Variants in MMRN2 observed in about 807,000 individuals in gnomAD.
The protein encoded by MMRN2 is multimerin 2.
In MMRN2, 53 loss-of-function variants were observed where a neutral mutation model predicts 68.8. That is an observed-to-expected ratio of 0.77 (90% CI 0.62 to 0.97). The LOEUF (loss-of-function observed/expected upper bound fraction) is 0.97. MMRN2 is among the 50% of genes least tolerant of loss of function. MMRN2 has a pLI of 0.00. For missense variants in MMRN2, 1,266 were observed against 1,259.5 expected (o/e 1.01, Z -0.08); for synonymous variants, 564 against 551.6 (o/e 1.02, Z -0.32).
Position 86,943,121 on chromosome 10 carries a change from C to A in MMRN2, c.1663G>T (p.Glu555Ter). The change falls in exon 6 of 7, where the codon GAG (glutamate) becomes TAG (stop). Residue 555 changes from glutamate to a stop codon, truncating the protein, a stop_gained. Coordinates refer to ENST00000372027, the MANE Select transcript of MMRN2 (RefSeq NM_024756.3). LOFTEE classifies it high-confidence loss of function. The surrounding 1 kb of genome is among the most constrained non-coding windows in gnomAD (Gnocchi z 4.2). ...LAVDAHKAEG[E>*]RARAATSRLR... is the part of the protein sequence containing the mutation. ...CGCGACGTGGCCGCCCGCGCCCGCTCGCCCTCCGCTTTGTGCGCGTCCACG... is the reference window on the plus strand; with the variant it reads ...CGCGACGTGGCCGCCCGCGCCCGCTAGCCCTCCGCTTTGTGCGCGTCCACG... 1 of 1,537,460 alleles carries A rather than the reference C, an allele frequency of 6.5e-7. No homozygotes were observed.
Position 86,943,462 on chromosome 10 carries a change from G to A in MMRN2, c.1322C>T (p.Thr441Met), listed in dbSNP as rs148010690. Residue 441 changes from threonine (T) to methionine (M), a missense_variant, in exon 6 of 7, where the codon ACG becomes ATG. Physicochemically the swap from Thr to Met is moderately conservative, Grantham distance 81. Coordinates refer to ENST00000372027, the MANE Select transcript of MMRN2 (RefSeq NM_024756.3). The surrounding 1 kb of genome is among the most constrained non-coding windows in gnomAD (Gnocchi z 4.2). Reference sequence around the variant, plus strand: ...GATCACGCGCAGCTCACGGAGCGCCGTGTGGTTCACCTGCAGCTCCTCCAC... The same window carrying A: ...GATCACGCGCAGCTCACGGAGCGCCATGTGGTTCACCTGCAGCTCCTCCAC... ...RQVEELQVNHTALRELRVILM... is the reference protein window; with the variant it reads ...RQVEELQVNHMALRELRVILM... The A allele has an allele frequency of 6.1e-5, 98 of 1,614,124 alleles. No homozygotes were observed. Among genetic ancestry groups the A allele is most frequent in the African/African-American group, 2.5e-4 (19 of 75,056 alleles).
In MMRN2 at chr10:86,944,534, G is replaced by A. The variant is rs1844038267; in HGVS notation, c.482-99C>T. The A allele has an allele frequency of 9.0e-6, 12 of 1,330,792 alleles. No homozygotes were observed. In the South Asian group the frequency reaches 1.5e-4, roughly 16 times the overall value. The allele number at this position is 1,330,792 out of a possible 1,614,324, so 82.4% of individuals were successfully genotyped here. On this transcript the variant is annotated intron_variant, in intron 4 of 6. Coordinates refer to ENST00000372027, the MANE Select transcript of MMRN2 (RefSeq NM_024756.3). ...AGAGTTGAAGGCTGAGAGCAGGGAA[G>A]TTAGCTGCTGATGTCCTCTGAGCAG...
chr10:86,936,312 T>TTCC lies in MMRN2; in HGVS notation c.*428_*430dup. The TTCC allele has an allele frequency of 2.4e-6, 1 of 422,778 alleles. No individual in the cohort carries two copies. The highest frequency in any genetic ancestry group is 4.2e-6 in the Non-Finnish European group (1 of 240,166). The allele number at this position is 422,778 out of a possible 1,614,324, so 26.2% of individuals were successfully genotyped here. Reference sequence around the variant, plus strand: ...CAAAATGTTGCCTCCATTTTAAACATTCCTCCTGGGGAAGAATGTCTTTCT... The same window carrying TTCC: ...CAAAATGTTGCCTCCATTTTAAACATTCCTCCTCCTGGGGAAGAATGTCTTTCT... On this transcript the variant is annotated 3_prime_UTR_variant, in exon 7 of 7. Coordinates refer to ENST00000372027, the MANE Select transcript of MMRN2 (RefSeq NM_024756.3).
chr10:86,939,034 T>C (rs1338981796), intron 6 of MMRN2, among the ~76,000 whole-genome samples: 1 of 151,678 alleles, frequency 6.6e-6, no homozygotes, highest in African/African-American at 2.4e-5. Context: ...TGGTGGGGCA[T>C]ACCTGTAATC....
Position 86,943,146 on chromosome 10 carries a change from G to A in MMRN2, c.1638C>T (p.Ala546=), listed in dbSNP as rs750415609. 4 of 1,593,962 alleles carry A rather than the reference G, an allele frequency of 2.5e-6. No homozygotes were observed. The highest frequency in any genetic ancestry group is 1.7e-5 in the Admixed American group (1 of 58,384). Residue 546 remains alanine, a synonymous_variant, in exon 6 of 7, where the codon GCC becomes GCT. Transcript: ENST00000372027. This position sits in a 1 kb window ranked among gnomAD's most constrained non-coding sequence, Gnocchi z 4.2. Reference sequence around the variant, plus strand: ...CGCCCTCCGCTTTGTGCGCGTCCACGGCCAGCGACACGGCGTCCACGGCGT... The same window carrying A: ...CGCCCTCCGCTTTGTGCGCGTCCACAGCCAGCGACACGGCGTCCACGGCGT... ...LQNAVDAVSL[A]VDAHKAEGER... is the part of the protein sequence containing the mutation.
chr10:86,956,484 C>T (rs1844233464), intron 1 of MMRN2, among the ~76,000 whole-genome samples: 1 of 152,168 alleles, frequency 6.6e-6, no homozygotes, highest in African/African-American at 2.4e-5. Flanking sequence ...CCAAACAGGT[C>T]TGGTGTGTGG....
rs781003547 is a variant in MMRN2 at position 86,937,006 on chromosome 10, G to A, written c.2587C>T (p.Arg863Ter). 1.2e-5 allele frequency: 20 copies of A among 1,614,202 alleles called. No homozygotes were observed. Among genetic ancestry groups the A allele is most frequent in the Middle Eastern group, 1.6e-4 (1 of 6,062 alleles). Reference sequence around the variant, plus strand: ...AGGTAGACACCACGCTCAGGGGCTCGGAAGTAGCCATGTTCAGGGAAGTAG... The same window carrying A: ...AGGTAGACACCACGCTCAGGGGCTCAGAAGTAGCCATGTTCAGGGAAGTAG... Reference protein sequence around the residue: ...SSYFPEHGYFRAPERGVYLFA... With the variant: ...SSYFPEHGYF Residue 863 changes from arginine (R) to a stop codon, truncating the protein, a stop_gained, in exon 7 of 7, where the codon CGA becomes TGA. Coordinates refer to ENST00000372027, the MANE Select transcript of MMRN2 (RefSeq NM_024756.3). LOFTEE classifies it low-confidence loss of function (END_TRUNC).
chr10:86,937,939 G>A (rs1843903887), intron 6 of MMRN2, among the ~76,000 whole-genome samples: 1 of 150,870 alleles, frequency 6.6e-6, no homozygotes, highest in Non-Finnish European at 1.5e-5. Flanking sequence ...CCTTCAAGCT[G>A]GTCTTCTTTT....
Position 86,942,297 on chromosome 10 carries a change from T to A in MMRN2, c.2467+20A>T, listed in dbSNP as rs773025370. On this transcript the variant is annotated intron_variant, in intron 6 of 6. Transcript: ENST00000372027. ...CCTGGCCTCCTAGGCTCGTCCAGTC[T>A]CCCCAGCCCAGGAACTCACCTGCCT... 1.9e-6 allele frequency: 3 copies of A among 1,582,894 alleles called. No individual in the cohort carries two copies. The Admixed American group carries it at 5.3e-5, about 28-fold the overall frequency.
intron 6 of MMRN2, among the ~76,000 whole-genome samples, chr10:86,937,766 G>C (rs1843901761): frequency 6.6e-6 from 1 of 152,162 alleles, no homozygotes; most frequent in Non-Finnish European, 1.5e-5. Flanking sequence ...TAGGAATCTT[G>C]AGATACTCAG....
chr10:86,936,622 G>T lies in MMRN2; in HGVS notation c.*121C>A. On this transcript the variant is annotated 3_prime_UTR_variant, in exon 7 of 7. Transcript: ENST00000372027. ...AAGCCACGTACACCACACCATCTTTGCAGAAGGTTTCCAGGGAAGAGACAG... is the reference window on the plus strand; with the variant it reads ...AAGCCACGTACACCACACCATCTTTTCAGAAGGTTTCCAGGGAAGAGACAG... 7.9e-7 allele frequency: 1 copy of T among 1,265,898 alleles called. No individual in the cohort carries two copies. Among genetic ancestry groups the T allele is most frequent in the Non-Finnish European group, 1.1e-6 (1 of 904,732 alleles). 78.4% of individuals were successfully genotyped at this position (1,265,898 alleles called of 1,614,324 possible). A position where few individuals can be genotyped will look rare whatever the true frequency, so the allele number is the denominator to read the frequency against.
intron 1 of MMRN2, among the ~76,000 whole-genome samples, chr10:86,946,425 A>G (rs1249152942): frequency 6.6e-6 from 1 of 152,240 alleles, no homozygotes; most frequent in Non-Finnish European, 1.5e-5. Context: ...AGTTGTCCTA[A>G]GGAAAGGTAA....
intron 6 of MMRN2, among the ~76,000 whole-genome samples, chr10:86,937,495 C>T (rs1299288089): frequency 6.6e-6 from 1 of 151,390 alleles, no homozygotes; most frequent in African/African-American, 2.4e-5. Context: ...CTATGTTGCC[C>T]AGGCTGATCT....
chr10:86,939,676 C>CG (rs1491187837), intron 6 of MMRN2, among the ~76,000 whole-genome samples: 2 of 146,900 alleles, frequency 1.4e-5, no homozygotes, highest in African/African-American at 5.3e-5. Context: ...GAGACCCCCA[C>CG]CCCAACCCAG....
chr10:86,945,670 T>C lies in MMRN2; in HGVS notation c.184A>G (p.Met62Val), dbSNP rs201306617. ...GCTAGTAAGGTGACCAGCTTGGACA[T>C]TGGGTAGGGGCACCAGTTACTGGAA... ...PVGRNWCPYP[M>V]SKLVTLLALC... Residue 62 changes from methionine (M) to valine (V), a missense_variant, in exon 2 of 7, where the codon ATG (methionine) becomes GTG (valine). By Grantham distance (21) the Met-to-Val change is conservative. Transcript: ENST00000372027. 1.2e-6 allele frequency: 2 copies of C among 1,614,038 alleles called. No individual in the cohort carries two copies. The highest frequency in any genetic ancestry group is 1.1e-5 in the South Asian group (1 of 91,078).
Position 86,943,317 on chromosome 10 carries a change from C to A in MMRN2, c.1467G>T (p.Val489=). 1.2e-6 allele frequency: 2 copies of A among 1,613,894 alleles called. No individual in the cohort carries two copies. Among genetic ancestry groups the A allele is most frequent in the Non-Finnish European group, 1.7e-6 (2 of 1,180,002 alleles). The part of the protein sequence containing the change: ...QGGHADLIKY[V]KDCNCQKLYL... ...AGAGCTTCTGGCAATTGCAGTCCTT[C>A]ACGTACTTGATGAGGTCGGCATGGC... The change falls in exon 6 of 7, where the codon GTG becomes GTT. Residue 489 remains valine, a synonymous_variant. Transcript: ENST00000372027. This position sits in a 1 kb window ranked among gnomAD's most constrained non-coding sequence, Gnocchi z 4.2.
In MMRN2 at chr10:86,936,812, G is replaced by C; in HGVS notation, c.2781C>G (p.Thr927=). Residue 927 remains threonine, a synonymous_variant, in exon 7 of 7, where the codon ACC becomes ACG. Transcript: ENST00000372027. ...GGCTTCTCTTTGTTATTGATCCCTG[G>C]GTTAACTCAAACCATACTCGCTCAC... The part of the protein sequence containing the change: ...QKGERVWFEL[T]QGSITKRSLS... 1.2e-6 allele frequency: 2 copies of C among 1,614,170 alleles called. No homozygotes were observed. The highest frequency in any genetic ancestry group is 1.7e-6 in the Non-Finnish European group (2 of 1,180,032).
At chr10:86,948,480 A>G (rs10788535) in intron 1 of MMRN2, among the ~76,000 whole-genome samples, 63,590 of 151,900 alleles carry the variant, frequency 0.42, 13,504 homozygotes, top group African/African-American at 0.47. Context: ...CGTAACAGTA[A>G]AAATGAAAAT....
Position 86,942,985 on chromosome 10 carries a change from A to G in MMRN2, c.1799T>C (p.Leu600Pro). 1 of 1,474,174 alleles carries G rather than the reference A, an allele frequency of 6.8e-7. No homozygotes were observed. Among genetic ancestry groups the G allele is most frequent in the Non-Finnish European group, 9.0e-7 (1 of 1,113,346 alleles). The allele number at this position is 1,474,174 out of a possible 1,614,324, so 91.3% of individuals were successfully genotyped here. The change falls in exon 6 of 7, where the codon CTG becomes CCG. Residue 600 changes from leucine to proline, a missense_variant. By Grantham distance (98) the Leu-to-Pro change is moderately conservative. Coordinates refer to ENST00000372027, the MANE Select transcript of MMRN2 (RefSeq NM_024756.3). ...CGCCTCGTGCCGCAGCGCGTCCTCC[A>G]GCAGGGCGGCGAAGGCGCTGTGCAG... Reference protein sequence around the residue: ...RQLHSAFAALLEDALRHEAVL... With the variant: ...RQLHSAFAALPEDALRHEAVL...
Sources: gnomAD v4.1 joint callset for allele counts (sites outside exome capture counted in the v4.1 genomes callset) on GRCh38, gnomAD v4.1.1 for gene constraint, Gnocchi (gnomAD v3.1) non-coding constraint, MANE v1.5 for transcripts, NCBI Gene and HGNC (gene_info 2026-07-23, HGNC 2026-07-21) for gene names.